RNF138: variants seen among roughly 807,000 people sequenced by gnomAD.
RNF138 encodes ring finger protein 138, also known as E3 ubiquitin-protein ligase RNF138.
Under a neutral mutation model 31.0 loss-of-function variants are expected in RNF138, and 12 were observed. The observed-to-expected ratio is 0.39, with a 90% confidence interval of 0.25 to 0.63. The LOEUF (loss-of-function observed/expected upper bound fraction) is 0.63, where lower values mean the gene tolerates loss of function less well. Ranked by LOEUF, RNF138 falls within the 20% of genes least tolerant of loss-of-function variation. The probability of loss-of-function intolerance (pLI) is 0.52; values close to 1 mark genes in which losing one functional copy is unlikely to be tolerated. For missense variants in RNF138, 192 were observed against 300.1 expected, an observed-to-expected ratio of 0.64 and a Z score of 2.66; for synonymous variants, 105 against 99.5, an observed-to-expected ratio of 1.06 and a Z score of -0.33.
At chr18:32,103,760 G>A (rs1466609604) in intron 2 of RNF138, among the ~76,000 whole-genome samples, 6 of 151,896 alleles carry the variant, frequency 4.0e-5, no homozygotes, top group South Asian at 2.1e-4. Context: ...TCAGGAGATC[G>A]AGATCATCCT....
At chr18:32,108,055 A>G (rs2040065800) in intron 2 of RNF138, among the ~76,000 whole-genome samples, 1 of 151,172 alleles carries the variant, frequency 6.6e-6, no homozygotes, top group South Asian at 2.1e-4. Flanking sequence ...GAGTTTTGCC[A>G]TGTTGGCCAG....
chr18:32,124,679 C>T (rs556201847), intron 5 of RNF138, 55 bp from the exon 6 acceptor site: 11 of 845,636 alleles, frequency 1.3e-5, no homozygotes, highest in East Asian at 4.9e-5. Context: ...AATAGGAGAG[C>T]GTTATTTTTG....
At chr18:32,113,216 C>T (rs1245019488) in intron 3 of RNF138, among the ~76,000 whole-genome samples, 1 of 152,024 alleles carries the variant, frequency 6.6e-6, no homozygotes, top group African/African-American at 2.4e-5. Context: ...TGAGATTACA[C>T]CTGGCTAATT....
At chr18:32,112,058 C>CA (rs1478780927) in intron 3 of RNF138, 139 bp downstream of exon 3, 2 of 603,734 alleles carry the variant, frequency 3.3e-6, no homozygotes, top group Non-Finnish European at 5.2e-6. Flanking sequence ...TAGAAAAGGC[C>CA]AAAAAAAGCT....
intron 1 of RNF138, 149 bp from the exon 2 acceptor site, chr18:32,092,551 G>GGGGGAT (rs1345359284): frequency 3.7e-6 from 2 of 538,382 alleles, no homozygotes; most frequent in African/African-American, 4.0e-5. Flanking sequence ...AGCCCCCTGT[G>GGGGGAT]GGAGGAGCCG....
intron 4 of RNF138, 144 bp from the exon 5 acceptor site, chr18:32,123,374 G>T: frequency 4.2e-6 from 2 of 474,490 alleles, no homozygotes; most frequent in Non-Finnish European, 7.3e-6. Flanking sequence ...TTTTTTCAAG[G>T]ACCCAATAGG....
chr18:32,098,960 G>A (rs1285422246), intron 2 of RNF138, among the ~76,000 whole-genome samples: 6 of 145,860 alleles, frequency 4.1e-5, no homozygotes, highest in East Asian at 2.0e-4. Context: ...CTCGATTATC[G>A]ACTCGGAAAA....
intron 7 of RNF138, among the ~76,000 whole-genome samples, chr18:32,127,735 T>G (rs1045394490): frequency 6.6e-6 from 1 of 152,212 alleles, no homozygotes; most frequent in African/African-American, 2.4e-5. Context: ...TACAAAAATT[T>G]GTGAACCACT....
intron 1 of RNF138, 141 bp from the exon 2 acceptor site, chr18:32,092,559 C>G (rs1312248872): frequency 3.6e-6 from 2 of 548,742 alleles, no homozygotes; most frequent in Non-Finnish European, 6.5e-6. Context: ...GTGGGAGGAG[C>G]CGTGGGAGGG....
intron 7 of RNF138, among the ~76,000 whole-genome samples, 163 bp from the exon 8 acceptor site, chr18:32,128,956 T>TGTATCTTAAAAGA (rs1315261616): frequency 6.6e-6 from 1 of 152,246 alleles, no homozygotes; most frequent in Non-Finnish European, 1.5e-5. Flanking sequence ...ATTCAAATCT[T>TGTATCTTAAAAGA]GTATCTTAAA....
chr18:32,097,760 T>A (rs926107815), intron 2 of RNF138, among the ~76,000 whole-genome samples: 3 of 152,076 alleles, frequency 2.0e-5, no homozygotes, highest in African/African-American at 7.2e-5. Flanking sequence ...TGCGCTCAAG[T>A]GATCTGCCCG....
chr18:32,124,208 G>T (rs980277503), intron 5 of RNF138: 7 of 152,924 alleles, frequency 4.6e-5, no homozygotes, highest in Admixed American at 4.5e-4. Context: ...GAATGTTTTC[G>T]AGTATTTCAT....
chr18:32,104,404 G>C (rs2039995045), intron 2 of RNF138, among the ~76,000 whole-genome samples: 1 of 152,072 alleles, frequency 6.6e-6, no homozygotes, highest in Non-Finnish European at 1.5e-5. Flanking sequence ...TGCTTTTCTA[G>C]TTAGGAACTA....
At chr18:32,099,652 C>T (rs562748675) in intron 2 of RNF138, among the ~76,000 whole-genome samples, 10 of 152,116 alleles carry the variant, frequency 6.6e-5, no homozygotes, top group Admixed American at 1.3e-4. Flanking sequence ...TGATCTGCCC[C>T]GCCTCGGCCT....
chr18:32,092,958 G>T, intron 2 of RNF138, 72 bp downstream of exon 2: 3 of 861,524 alleles, frequency 3.5e-6, no homozygotes, highest in Non-Finnish European at 4.9e-6. Flanking sequence ...CGGGACCCCG[G>T]GCTGCCGCCT....
At chr18:32,110,496 G>A (rs946298844) in intron 2 of RNF138, among the ~76,000 whole-genome samples, 9 of 152,236 alleles carry the variant, frequency 5.9e-5, no homozygotes, top group African/African-American at 2.2e-4. Context: ...GATATTAGAG[G>A]GAAAAACTGA....
intron 2 of RNF138, among the ~76,000 whole-genome samples, chr18:32,099,821 C>T (rs982812885): frequency 3.3e-5 from 5 of 152,224 alleles, no homozygotes; most frequent in African/African-American, 1.2e-4. Context: ...CATCCAAGAT[C>T]TCCTGTTACT....
intron 2 of RNF138, among the ~76,000 whole-genome samples, chr18:32,100,176 C>G (rs1276722652): frequency 1.3e-5 from 2 of 151,224 alleles, no homozygotes; most frequent in Non-Finnish European, 2.9e-5. Flanking sequence ...TCCCTGCCCT[C>G]TTGGAGCTGG....
intron 2 of RNF138, among the ~76,000 whole-genome samples, chr18:32,098,565 G>C (rs12962037): frequency 7.3e-6 from 1 of 137,060 alleles, no homozygotes; most frequent in South Asian, 2.4e-4. Flanking sequence ...ATATAATAAA[G>C]GTTGAGGCCG....
Sources: allele counts gnomAD v4.1 joint callset (sites outside exome capture counted in the v4.1 genomes callset), GRCh38; gene constraint gnomAD v4.1.1; transcripts MANE v1.5; gene names NCBI Gene and HGNC (gene_info 2026-07-23, HGNC 2026-07-21).